Variants in PLCB4 observed in about 807,000 individuals in gnomAD.
PLCB4 encodes the protein phospholipase C beta 4, also known as 1-phosphatidylinositol 4,5-bisphosphate phosphodiesterase beta-4.
A neutral mutation model predicts 178.8 loss-of-function variants in PLCB4; 77 were observed. That is an observed-to-expected ratio of 0.43 (90% CI 0.36 to 0.52). The LOEUF (loss-of-function observed/expected upper bound fraction) is 0.52. PLCB4 is among the 20% of genes least tolerant of loss of function. The pLI is 0.00. For synonymous variants in PLCB4, 496 were observed against 490.8 expected, an observed-to-expected ratio of 1.01 and a Z score of -0.14; for missense variants, 1,024 against 1,453.4, an observed-to-expected ratio of 0.70 and a Z score of 4.80.
At chr20:9,153,388 G>A (rs1352054562) in intron 2 of PLCB4, among the ~76,000 whole-genome samples, 6 of 152,090 alleles carry the variant, frequency 3.9e-5, no homozygotes, top group East Asian at 3.9e-4. Flanking sequence ...TTAAATCATG[G>A]GGGTTGGTCT....
intron 12 of PLCB4, among the ~76,000 whole-genome samples, chr20:9,376,267 A>G (rs1023094530): frequency 2.6e-5 from 4 of 152,264 alleles, no homozygotes; most frequent in Admixed American, 1.3e-4. Flanking sequence ...GCTGAGTCAG[A>G]GTCTGAATTT....
At chr20:9,451,219 A>G (rs765940295) in intron 32 of PLCB4, among the ~76,000 whole-genome samples, 11 of 152,206 alleles carry the variant, frequency 7.2e-5, no homozygotes, top group Non-Finnish European at 1.6e-4. Flanking sequence ...ACTTTGTGGT[A>G]CAAAGAGCCC....
intron 3 of PLCB4, among the ~76,000 whole-genome samples, chr20:9,241,560 A>G (rs1465864270): frequency 6.6e-6 from 1 of 152,212 alleles, no homozygotes; most frequent in Non-Finnish European, 1.5e-5. Context: ...CCAAGTCAGG[A>G]TACTTGTGTG....
chr20:9,112,992 G>C (rs908720500), intron 2 of PLCB4, among the ~76,000 whole-genome samples: 1 of 152,132 alleles, frequency 6.6e-6, no homozygotes, highest in Admixed American at 6.5e-5. Flanking sequence ...CTCATGCCAA[G>C]TCCCTAAAGC....
intron 30 of PLCB4, 93 bp downstream of exon 30, chr20:9,437,245 A>G: frequency 8.4e-7 from 1 of 1,197,288 alleles, no homozygotes; most frequent in East Asian, 2.5e-5. Context: ...ATAAATTCGA[A>G]GTTCTTTGTG....
intron 6 of PLCB4, among the ~76,000 whole-genome samples, chr20:9,338,436 G>A (rs1258940632): frequency 2.0e-5 from 3 of 152,086 alleles, no homozygotes; most frequent in Non-Finnish European, 4.4e-5. Flanking sequence ...TCCCAGCACT[G>A]TGGGAGGCAG....
intron 3 of PLCB4, among the ~76,000 whole-genome samples, chr20:9,258,262 G>A (rs554758387): frequency 6.6e-6 from 1 of 152,274 alleles, no homozygotes; most frequent in East Asian, 1.9e-4. Context: ...TTATGTAAAT[G>A]TTAGATAATA....
chr20:9,327,776 G>A (rs903911721), intron 4 of PLCB4, among the ~76,000 whole-genome samples: 4 of 149,574 alleles, frequency 2.7e-5, no homozygotes, highest in Admixed American at 6.6e-5. Flanking sequence ...ACTCCATCTC[G>A]AAAAAAAAAT....
At chr20:9,370,921 AT>A (rs1427217579) in intron 9 of PLCB4, 1 of 229,590 alleles carries the variant, frequency 4.4e-6, no homozygotes, top group Non-Finnish European at 8.6e-6. Flanking sequence ...AAAATAAAAA[AT>A]AAAAAATAAA....
rs779279969 is a variant in PLCB4, at chr20:9,453,400, A to G, written c.2934A>G (p.Ala978=). The change falls in exon 33 of 40, where the codon GCA becomes GCG. Residue 978 remains alanine, a synonymous_variant. Coordinates refer to ENST00000378473, the MANE Select transcript of PLCB4 (RefSeq NM_001377142.1). ...GCACGCAAGTTGACAAAATTGTGGCACAGTATGACAAAGAGAAGTCGACTC... is the reference window on the plus strand; with the variant it reads ...GCACGCAAGTTGACAAAATTGTGGCGCAGTATGACAAAGAGAAGTCGACTC... ...LHCTQVDKIV[A]QYDKEKSTHE... is the part of the protein sequence containing the mutation. The G allele has an allele frequency of 3.7e-6, 6 of 1,613,296 alleles. No homozygotes were observed. The Admixed American group carries it at 1.0e-4, about 27-fold the overall frequency.
At chr20:9,371,926 A>G (rs567259894) in intron 10 of PLCB4, among the ~76,000 whole-genome samples, 15 of 152,342 alleles carry the variant, frequency 9.8e-5, no homozygotes, top group African/African-American at 3.6e-4. Flanking sequence ...AAAATTCACA[A>G]AATAAGCATA....
chr20:9,218,798 C>G (rs1426878025), intron 3 of PLCB4, among the ~76,000 whole-genome samples: 1 of 152,134 alleles, frequency 6.6e-6, no homozygotes, highest in East Asian at 1.9e-4. Context: ...AGTGCGCTAT[C>G]TTTTACTACT....
At chr20:9,130,364 A>T (rs2092241706) in intron 2 of PLCB4, among the ~76,000 whole-genome samples, 1 of 152,226 alleles carries the variant, frequency 6.6e-6, no homozygotes, top group Non-Finnish European at 1.5e-5. Flanking sequence ...AAATCTTTTA[A>T]TTGTGTATGA....
At chr20:9,347,713 C>T (rs543051459) in intron 7 of PLCB4, among the ~76,000 whole-genome samples, 18 of 152,294 alleles carry the variant, frequency 1.2e-4, no homozygotes, top group African/African-American at 4.1e-4. Context: ...CATGGTGGCT[C>T]ACACCTGTAA....
chr20:9,113,044 A>C (rs2091641740), intron 2 of PLCB4, among the ~76,000 whole-genome samples: 1 of 152,130 alleles, frequency 6.6e-6, no homozygotes, highest in South Asian at 2.1e-4. Flanking sequence ...GCAGCAGTCT[A>C]GGAGGTGAAG....
At chr20:9,361,714 C>G (rs961804754) in intron 7 of PLCB4, among the ~76,000 whole-genome samples, 8 of 152,322 alleles carry the variant, frequency 5.3e-5, no homozygotes, top group African/African-American at 1.9e-4. Flanking sequence ...AAACCATACT[C>G]TGTTAGAACG....
chr20:9,291,850 T>G (rs1322716823), intron 3 of PLCB4, among the ~76,000 whole-genome samples: 1 of 152,208 alleles, frequency 6.6e-6, no homozygotes, highest in Non-Finnish European at 1.5e-5. Context: ...GCTTGAAAAC[T>G]TGAGGAAGAA....
At chr20:9,226,631 C>G (rs1208403798) in intron 3 of PLCB4, among the ~76,000 whole-genome samples, 3 of 151,992 alleles carry the variant, frequency 2.0e-5, no homozygotes, top group Non-Finnish European at 4.4e-5. Flanking sequence ...AATCTTCGTC[C>G]CCATTTTCCT....
At chr20:9,103,631 C>G (rs1375800397) in intron 2 of PLCB4, among the ~76,000 whole-genome samples, 2 of 152,082 alleles carry the variant, frequency 1.3e-5, no homozygotes, top group Non-Finnish European at 2.9e-5. Flanking sequence ...TTTCAGAACC[C>G]TGAACTTGTC....
Sources: gnomAD v4.1 joint callset for allele counts (sites outside exome capture counted in the v4.1 genomes callset) on GRCh38, gnomAD v4.1.1 for gene constraint, MANE v1.5 for transcripts, NCBI Gene and HGNC (gene_info 2026-07-23, HGNC 2026-07-21) for gene names.